Variants in ZNF638 observed in about 807,000 individuals in gnomAD.
ZNF638 encodes zinc finger protein 638.
Under a neutral mutation model 195.6 loss-of-function variants are expected in ZNF638, and 46 were observed. The observed-to-expected ratio is 0.24, with a 90% CI of 0.19 to 0.30. The LOEUF (loss-of-function observed/expected upper bound fraction) is 0.30, where lower values mean the gene tolerates loss of function less well. Ranked by LOEUF, ZNF638 falls within the 10% of genes least tolerant of loss-of-function variation. ZNF638 has a pLI of 1.00. For synonymous variants in ZNF638, 845 were observed against 772.0 expected, an observed-to-expected ratio of 1.09 and a Z score of -1.57; for missense variants, 2,440 against 2,325.3, an observed-to-expected ratio of 1.05 and a Z score of -1.01.
intron 2 of ZNF638, 81 bp downstream of exon 2, chr2:71,350,352 T>C (rs977531017): frequency 1.5e-5 from 20 of 1,371,498 alleles, no homozygotes; most frequent in African/African-American, 2.9e-5. Flanking sequence ...ATGCTGCTTG[T>C]TAACTAGGCG....
At chr2:71,357,274 G>A (rs757271095) in intron 3 of ZNF638, among the ~76,000 whole-genome samples, 1 of 152,000 alleles carries the variant, frequency 6.6e-6, no homozygotes, top group African/African-American at 2.4e-5. Flanking sequence ...AGTCCATCTC[G>A]GTTTGTGTCA....
chr2:71,393,441 G>T, intron 10 of ZNF638: 1 of 718,550 alleles, frequency 1.4e-6, no homozygotes, highest in South Asian at 1.5e-5. Flanking sequence ...CCATGGCGTG[G>T]CTAGGACCCA....
At chr2:71,380,403 A>C in intron 9 of ZNF638, 110 bp from the exon 10 acceptor site, 1 of 1,112,328 alleles carries the variant, frequency 9.0e-7, no homozygotes, top group Non-Finnish European at 1.3e-6. Context: ...GAGGGATATC[A>C]CTCCAGTTGA....
rs557154308 is a variant in ZNF638 at position 71,338,020 on chromosome 2, C to T, written c.-203+6145C>T. On this transcript the variant is annotated intron_variant, in intron 1 of 27. Coordinates refer to ENST00000264447, the MANE Select transcript of ZNF638 (RefSeq NM_014497.5). Reference sequence around the variant, plus strand: ...TATATGTCCCTGGGCAGAAAAATCACGTAACTAATGCTATGTCCCCAGGAT... The same window carrying T: ...TATATGTCCCTGGGCAGAAAAATCATGTAACTAATGCTATGTCCCCAGGAT... Among the ~76,000 whole-genome samples the T allele has an allele frequency of 9.2e-5, 14 of 152,282 alleles. No individual in the cohort carries two copies. The South Asian group carries it at 2.7e-3, about 29-fold the overall frequency.
At chr2:71,432,229 C>T (rs1346136964) in intron 26 of ZNF638, among the ~76,000 whole-genome samples, 1 of 152,186 alleles carries the variant, frequency 6.6e-6, no homozygotes, top group Non-Finnish European at 1.5e-5. Context: ...GAGACAGGGT[C>T]TCATTCTGTC....
intron 10 of ZNF638, among the ~76,000 whole-genome samples, chr2:71,385,332 A>T (rs2079615109): frequency 6.6e-6 from 1 of 152,214 alleles, no homozygotes; most frequent in Admixed American, 6.5e-5. Flanking sequence ...GGGCCTATAC[A>T]CGAGTATTTA....
chr2:71,342,084 A>G (rs533820323), intron 1 of ZNF638, among the ~76,000 whole-genome samples: 8 of 151,660 alleles, frequency 5.3e-5, no homozygotes, highest in Non-Finnish European at 1.0e-4. Context: ...CTGTTTAGTA[A>G]TAGTTAAAAA....
chr2:71,431,267 T>G, intron 25 of ZNF638, 60 bp from the exon 26 acceptor site: 2 of 1,439,588 alleles, frequency 1.4e-6, no homozygotes, highest in Non-Finnish European at 1.9e-6. Flanking sequence ...TTATCCAATG[T>G]TAACTTTACA....
At position 71,365,503 on chromosome 2, in the gene ZNF638, G is replaced by C; in HGVS notation, c.1792G>C (p.Glu598Gln). Residue 598 changes from glutamate (E) to glutamine (Q), a missense_variant, in exon 6 of 28, where the codon GAA becomes CAA. Physicochemically the swap from Glu to Gln is conservative, Grantham distance 29. This residue lies in a region of ZNF638 where 1,883 missense variants were observed against 1,739.1 expected (regional missense o/e 1.08). Coordinates refer to ENST00000264447, the MANE Select transcript of ZNF638 (RefSeq NM_014497.5). Reference sequence around the variant, plus strand: ...AGAATTTAATAAACAGAAGCATCTTGAAGCTGCTGATAAGGGACATTCACC... The same window carrying C: ...AGAATTTAATAAACAGAAGCATCTTCAAGCTGCTGATAAGGGACATTCACC... ...GTEFNKQKHL[E>Q]AADKGHSPAQ... 1 of 1,613,978 alleles carries C rather than the reference G, an allele frequency of 6.2e-7. No homozygotes were observed. The highest frequency in any genetic ancestry group is 8.5e-7 in the Non-Finnish European group (1 of 1,179,918).
At chr2:71,363,905 A>T (rs1234006461) in intron 4 of ZNF638, 49 bp from the exon 5 acceptor site, 5 of 1,551,672 alleles carry the variant, frequency 3.2e-6, no homozygotes, top group South Asian at 2.5e-5. Flanking sequence ...TATCATTTAA[A>T]TTTACATTAA....
intron 1 of ZNF638, among the ~76,000 whole-genome samples, chr2:71,341,474 G>C (rs756728756): frequency 6.6e-6 from 1 of 151,354 alleles, no homozygotes; most frequent in South Asian, 2.1e-4. Flanking sequence ...CCCATCATGC[G>C]TGCATGAACG....
chr2:71,384,527 A>G (rs985090421), intron 10 of ZNF638, among the ~76,000 whole-genome samples: 1 of 152,146 alleles, frequency 6.6e-6, no homozygotes, highest in African/African-American at 2.4e-5. Context: ...TTTGCATGGA[A>G]TTGATGGCTG....
intron 1 of ZNF638, among the ~76,000 whole-genome samples, chr2:71,343,656 T>C (rs1450970505): frequency 6.6e-6 from 1 of 152,206 alleles, no homozygotes; most frequent in East Asian, 1.9e-4. Context: ...AATTGAGGCC[T>C]TAAAAATGTA....
Position 71,393,358 on chromosome 2 carries a change from G to C in ZNF638, c.2378-2783G>C, listed in dbSNP as rs1429553111. 9 of 713,128 alleles carry C rather than the reference G, an allele frequency of 1.3e-5. No homozygotes were observed. The South Asian group carries it at 1.3e-4, about 11-fold the overall frequency. The allele number at this position is 713,128 out of a possible 1,614,324, so 44.2% of individuals were successfully genotyped here. A position where few individuals can be genotyped will look rare whatever the true frequency, so the allele number is the denominator to read the frequency against. On this transcript the variant is annotated intron_variant, in intron 10 of 27. Coordinates refer to ENST00000264447, the MANE Select transcript of ZNF638 (RefSeq NM_014497.5). ...GTAGTCCAAATGAATTGCTAACGTG[G>C]GGAAGATGATATGCTTGTGTTCACA...
rs376245174 is a variant in ZNF638 at position 71,342,028 on chromosome 2, T to C, written c.-202-6725T>C. ...ATTTTCTAAATTTTACAAATTAATATTTTCCACCAAAAGGTGGAACGAAAC... is the reference window on the plus strand; with the variant it reads ...ATTTTCTAAATTTTACAAATTAATACTTTCCACCAAAAGGTGGAACGAAAC... On this transcript the variant is annotated intron_variant, in intron 1 of 27. Transcript: ENST00000264447. 7.0e-4 allele frequency among the ~76,000 whole-genome samples: 107 copies of C among 152,162 alleles called. No individual in the cohort carries two copies. In the South Asian group the frequency reaches 0.017, roughly 24 times the overall value.
chr2:71,376,215 T>C (rs2079420652), intron 8 of ZNF638: 1 of 152,224 alleles, frequency 6.6e-6, no homozygotes, highest in South Asian at 2.1e-4. Flanking sequence ...CATGCCATTT[T>C]CATGGCAAAT....
rs1229934791 is a variant in ZNF638, at chr2:71,365,615, A to G, written c.1904A>G (p.His635Arg). 1 of 1,614,182 alleles carries G rather than the reference A, an allele frequency of 6.2e-7. No homozygotes were observed. Among genetic ancestry groups the G allele is most frequent in the Non-Finnish European group, 8.5e-7 (1 of 1,179,980 alleles). Reference protein sequence around the residue: ...ATKSDSNLGGHSIRCKSKNLE... With the variant: ...ATKSDSNLGGRSIRCKSKNLE... ...AAGAGTGATTCAAATCTAGGAGGACATTCTATTCGTTGTAAATCAAAGAAT... is the reference window on the plus strand; with the variant it reads ...AAGAGTGATTCAAATCTAGGAGGACGTTCTATTCGTTGTAAATCAAAGAAT... Residue 635 changes from histidine (H) to arginine (R), a missense_variant, in exon 6 of 28, where the codon CAT becomes CGT. This residue lies in a region of ZNF638 where 1,883 missense variants were observed against 1,739.1 expected (regional missense o/e 1.08). Coordinates refer to ENST00000264447, the MANE Select transcript of ZNF638 (RefSeq NM_014497.5).
intron 10 of ZNF638, among the ~76,000 whole-genome samples, chr2:71,389,916 AC>A (rs1277201785): frequency 1.3e-5 from 2 of 152,206 alleles, no homozygotes; most frequent in Admixed American, 6.5e-5. Flanking sequence ...CAGGGAACTT[AC>A]ACGAGCACGT....
intron 3 of ZNF638, among the ~76,000 whole-genome samples, chr2:71,357,217 T>C (rs934001995): frequency 2.6e-5 from 4 of 152,170 alleles, no homozygotes. Flanking sequence ...TCAATTTTGG[T>C]TAGTTGTCCA....
Sources: gnomAD v4.1 joint callset for allele counts (sites outside exome capture counted in the v4.1 genomes callset) on GRCh38, gnomAD v4.1.1 for gene constraint, gnomAD v4.1.1 regional missense constraint, MANE v1.5 for transcripts, NCBI Gene and HGNC (gene_info 2026-07-23, HGNC 2026-07-21) for gene names.